ANKRD44: variants seen among roughly 807,000 people sequenced by gnomAD.
ANKRD44 encodes serine/threonine-protein phosphatase 6 regulatory ankyrin repeat subunit B.
ANKRD44 carries 35 observed loss-of-function variants against 116.0 expected under a neutral mutation model. The ratio of observed to expected loss-of-function variants is 0.30; its 90% confidence interval spans 0.23 to 0.40. ANKRD44 has a LOEUF of 0.40. Ranked by LOEUF, ANKRD44 falls within the 10% of genes least tolerant of loss-of-function variation. ANKRD44 has a pLI of 1.00. For missense variants in ANKRD44, 1,014 were observed against 1,242.6 expected, an observed-to-expected ratio of 0.82 and a Z score of 2.77; for synonymous variants, 435 against 461.8, an observed-to-expected ratio of 0.94 and a Z score of 0.74.
chr2:197,094,439 T>C (rs1297618497), intron 10 of ANKRD44, among the ~76,000 whole-genome samples: 2 of 152,244 alleles, frequency 1.3e-5, no homozygotes, highest in South Asian at 4.1e-4. Context: ...AGTATGATTG[T>C]TGCCCTTGCA....
At chr2:197,126,805 A>G (rs1183083586) in intron 4 of ANKRD44, among the ~76,000 whole-genome samples, 1 of 151,600 alleles carries the variant, frequency 6.6e-6, no homozygotes, top group African/African-American at 2.4e-5. Flanking sequence ...CATTGCTTTT[A>G]ATGGCAAAAA....
At chr2:197,235,413 T>G (rs1187078616) in intron 1 of ANKRD44, among the ~76,000 whole-genome samples, 1 of 151,840 alleles carries the variant, frequency 6.6e-6, no homozygotes. Flanking sequence ...GCCAGGAGTT[T>G]GAGACCAGCC....
At chr2:197,278,546 G>A (rs543595342) in intron 1 of ANKRD44, among the ~76,000 whole-genome samples, 7 of 152,180 alleles carry the variant, frequency 4.6e-5, no homozygotes, top group Admixed American at 1.3e-4. Context: ...TAGTAGAGAC[G>A]GGGTTTCACC....
chr2:196,979,555 T>A (rs1364460730), intron 21 of ANKRD44, among the ~76,000 whole-genome samples: 1 of 9,592 alleles, frequency 1.0e-4, no homozygotes, highest in Non-Finnish European at 4.9e-4. Flanking sequence ...ATAAGATGAC[T>A]TTTTTTTTTT....
At chr2:197,284,430 T>C (rs554046930) in intron 1 of ANKRD44, among the ~76,000 whole-genome samples, 1 of 151,978 alleles carries the variant, frequency 6.6e-6, no homozygotes, top group Non-Finnish European at 1.5e-5. Flanking sequence ...ATACTCTTTT[T>C]CCCATTAATT....
At chr2:196,969,047 G>T (rs1185802898) in intron 21 of ANKRD44, among the ~76,000 whole-genome samples, 1 of 152,108 alleles carries the variant, frequency 6.6e-6, no homozygotes, top group Non-Finnish European at 1.5e-5. Context: ...TTCACTTATT[G>T]AATCATTCAG....
Position 197,203,102 on chromosome 2 carries a change from C to T in ANKRD44, c.28-15996G>A, listed in dbSNP as rs569462674. Among the ~76,000 whole-genome samples, 5 of 152,238 alleles carry T rather than the reference C, an allele frequency of 3.3e-5. No individual in the cohort carries two copies. Among genetic ancestry groups the T allele is most frequent in the African/African-American group, 7.2e-5 (3 of 41,548 alleles). On this transcript the variant is annotated intron_variant, in intron 1 of 27. Transcript: ENST00000282272. This position sits in a 1 kb window ranked among gnomAD's most constrained non-coding sequence, Gnocchi z 4.1. ...ATCTGATTCTTCATCTCAATACCTT[C>T]GAAATCCTACTCCTTTGACCCCACA... is the stretch of plus-strand genomic sequence containing the variant.
chr2:197,236,427 A>T (rs13419405), intron 1 of ANKRD44, among the ~76,000 whole-genome samples: 3,135 of 152,226 alleles, frequency 0.021, 113 homozygotes, highest in African/African-American at 0.07. Context: ...GACTCATTTT[A>T]AAAAAAGGAG....
At chr2:197,287,433 A>G (rs1311403001) in intron 1 of ANKRD44, among the ~76,000 whole-genome samples, 2 of 152,166 alleles carry the variant, frequency 1.3e-5, no homozygotes, top group African/African-American at 2.4e-5. Flanking sequence ...ACGTCACAGA[A>G]TACTTGGCAG....
rs79263068 is a variant in ANKRD44, at chr2:197,029,183, A to G, written c.1651-3916T>C. 1.9e-3 allele frequency: 363 copies of G among 192,404 alleles called. 5 individuals carry two copies. In the Admixed American group the frequency reaches 0.02, roughly 11 times the overall value. 11.9% of individuals were successfully genotyped at this position (192,404 alleles called of 1,614,324 possible). A position where few individuals can be genotyped will look rare whatever the true frequency, so the allele number is the denominator to read the frequency against. On this transcript the variant is annotated intron_variant, in intron 16 of 27. Coordinates refer to ENST00000282272, the MANE Select transcript of ANKRD44 (RefSeq NM_001195144.2). Reference sequence around the variant, plus strand: ...TGTGATGTTCCCCTTCCCATGTCCAAGTGTTCTCATTGTTCAATTCCCACC... The same window carrying G: ...TGTGATGTTCCCCTTCCCATGTCCAGGTGTTCTCATTGTTCAATTCCCACC...
chr2:197,150,411 T>C (rs1370900587), intron 2 of ANKRD44, among the ~76,000 whole-genome samples: 1 of 151,960 alleles, frequency 6.6e-6, no homozygotes, highest in Non-Finnish European at 1.5e-5. Flanking sequence ...TAGCCGGGCA[T>C]GGTGGAGGGC....
At chr2:196,967,803 A>C (rs1228660908) in intron 21 of ANKRD44, among the ~76,000 whole-genome samples, 1 of 152,182 alleles carries the variant, frequency 6.6e-6, no homozygotes, top group Non-Finnish European at 1.5e-5. Flanking sequence ...TTCTCGATAT[A>C]GTTTGGATAT....
intron 1 of ANKRD44, among the ~76,000 whole-genome samples, chr2:197,273,974 A>T (rs1267927659): frequency 0.036 from 1,206 of 33,644 alleles, 113 homozygotes; most frequent in Middle Eastern, 0.097. Context: ...AAAAAAAAAA[A>T]AAAAAAATAT....
intron 1 of ANKRD44, among the ~76,000 whole-genome samples, chr2:197,213,118 A>G (rs1414373648): frequency 3.9e-5 from 6 of 152,154 alleles, no homozygotes; most frequent in Non-Finnish European, 8.8e-5. Flanking sequence ...GATTTTCAAG[A>G]GTAATTTTGA....
intron 1 of ANKRD44, among the ~76,000 whole-genome samples, chr2:197,218,932 G>A (rs1488328110): frequency 6.6e-6 from 1 of 151,320 alleles, no homozygotes; most frequent in Non-Finnish European, 1.5e-5. Context: ...GCTAATTTTT[G>A]TATTTTTAGT....
intron 1 of ANKRD44, among the ~76,000 whole-genome samples, chr2:197,261,220 T>A (rs1270952215): frequency 1.3e-5 from 2 of 151,482 alleles, no homozygotes. Context: ...GGTCTAACAT[T>A]TAAGTCTTTA....
rs571108576 is a variant in ANKRD44 at position 197,246,651 on chromosome 2, T to A, written c.28-59545A>T. ...CCCATTGTAGCCACCTTACCCTGTGTTGCTGCTAGATTTATCTTCCTGACA... is the reference window on the plus strand; with the variant it reads ...CCCATTGTAGCCACCTTACCCTGTGATGCTGCTAGATTTATCTTCCTGACA... On this transcript the variant is annotated intron_variant, in intron 1 of 27. Transcript: ENST00000282272. 8.5e-5 allele frequency among the ~76,000 whole-genome samples: 13 copies of A among 152,226 alleles called. 1 individual carries two copies. The East Asian group carries it at 2.5e-3, about 29-fold the overall frequency.
chr2:197,161,276 C>T (rs2079957857), intron 2 of ANKRD44, among the ~76,000 whole-genome samples: 2 of 152,058 alleles, frequency 1.3e-5, no homozygotes, highest in South Asian at 4.1e-4. Context: ...AGGGCAATGT[C>T]AAATAAACCT....
chr2:196,994,845 T>A (rs2075985401), intron 26 of ANKRD44: 1 of 152,622 alleles, frequency 6.6e-6, no homozygotes, highest in East Asian at 1.9e-4. Context: ...ATGAAAAAAA[T>A]TCCTTTGCCT....
Sources: allele counts gnomAD v4.1 joint callset (sites outside exome capture counted in the v4.1 genomes callset), GRCh38; gene constraint gnomAD v4.1.1; non-coding constraint Gnocchi (gnomAD v3.1); transcripts MANE v1.5; gene names NCBI Gene and HGNC (gene_info 2026-07-23, HGNC 2026-07-21).